The following SIPA1L3 variants were observed in gnomAD, a reference collection of about 807,000 sequenced individuals.
The protein encoded by SIPA1L3 is signal induced proliferation associated 1 like 3, also known as signal-induced proliferation-associated 1-like protein 3.
A neutral mutation model predicts 150.1 loss-of-function variants in SIPA1L3; 59 were observed. The ratio of observed to expected loss-of-function variants is 0.39; its 90% CI spans 0.32 to 0.49. The LOEUF (loss-of-function observed/expected upper bound fraction) is 0.49. Ranked by LOEUF, SIPA1L3 falls within the 20% of genes least tolerant of loss-of-function variation. The probability of loss-of-function intolerance (pLI) is 0.86; values close to 1 mark genes in which losing one functional copy is unlikely to be tolerated. For synonymous variants in SIPA1L3, 1,070 were observed against 1,077.6 expected (o/e 0.99, Z 0.14); for missense variants, 2,211 against 2,489.5 (o/e 0.89, Z 2.38).
chr19:38,093,986 A>AC (rs974789264), intron 4 of SIPA1L3, among the ~76,000 whole-genome samples: 10 of 151,430 alleles, frequency 6.6e-5, no homozygotes, highest in South Asian at 2.1e-4. Context: ...ACTGTGTGGC[A>AC]CCCCCCCACA....
At chr19:37,974,951 G>T (rs1967040281) in intron 1 of SIPA1L3, among the ~76,000 whole-genome samples, 2 of 152,198 alleles carry the variant, frequency 1.3e-5, no homozygotes, top group African/African-American at 4.8e-5. Flanking sequence ...GCTGAGGCGG[G>T]CAGATCACGA....
chr19:38,144,009 G>A (rs890474060), intron 12 of SIPA1L3, among the ~76,000 whole-genome samples: 1 of 152,174 alleles, frequency 6.6e-6, no homozygotes, highest in African/African-American at 2.4e-5. Flanking sequence ...TAGGGGGACT[G>A]TCTGTATTTC....
chr19:38,082,175 A>G lies in SIPA1L3; in HGVS notation c.610A>G (p.Ser204Gly). 6.2e-7 allele frequency: 1 copy of G among 1,604,818 alleles called. No individual in the cohort carries two copies. The highest frequency in any genetic ancestry group is 8.5e-7 in the Non-Finnish European group (1 of 1,179,730). Residue 204 changes from serine (S) to glycine (G), a missense_variant, in exon 3 of 22, where the codon AGC becomes GGC. Transcript: ENST00000222345. ...GALPLFREYGSTSSIDVQGMP... is the reference protein window; with the variant it reads ...GALPLFREYGGTSSIDVQGMP... Reference sequence around the variant, plus strand: ...GCTGCCCCTCTTCCGCGAGTACGGGAGCACCTCGTCCATCGACGTGCAGGG... The same window carrying G: ...GCTGCCCCTCTTCCGCGAGTACGGGGGCACCTCGTCCATCGACGTGCAGGG...
intron 9 of SIPA1L3, among the ~76,000 whole-genome samples, chr19:38,127,729 G>T (rs1971208558): frequency 1.3e-5 from 2 of 151,966 alleles, no homozygotes; most frequent in African/African-American, 4.8e-5. Context: ...GAACTCCTGG[G>T]CTCAAGCAGT....
intron 13 of SIPA1L3, among the ~76,000 whole-genome samples, chr19:38,155,818 C>G (rs756054530): frequency 6.6e-6 from 1 of 152,148 alleles, no homozygotes; most frequent in Non-Finnish European, 1.5e-5. Context: ...GACAGTGTCA[C>G]GCCTATAATC....
chr19:38,141,273 G>A lies in SIPA1L3; in HGVS notation c.3233G>A (p.Ser1078Asn). Reference sequence around the variant, plus strand: ...CCTGGGGGCCGGCCCCCCTACCGCAGCAATGCTCCCTGGCAGTGGAGCGGG... The same window carrying A: ...CCTGGGGGCCGGCCCCCCTACCGCAACAATGCTCCCTGGCAGTGGAGCGGG... ...ITPGGRPPYR[S>N]NAPWQWSGPA... Residue 1078 changes from serine to asparagine, a missense_variant, in exon 11 of 22, where the codon AGC becomes AAC. This residue lies in a region of SIPA1L3 where 806 missense variants were observed against 870.1 expected (regional missense o/e 0.93). Transcript: ENST00000222345. 2 of 1,613,752 alleles carry A rather than the reference G, an allele frequency of 1.2e-6. No individual in the cohort carries two copies. Among genetic ancestry groups the A allele is most frequent in the Non-Finnish European group, 1.7e-6 (2 of 1,179,892 alleles).
chr19:38,150,529 C>T (rs889476473), intron 12 of SIPA1L3, among the ~76,000 whole-genome samples: 2 of 119,834 alleles, frequency 1.7e-5, no homozygotes, highest in Non-Finnish European at 3.5e-5. Flanking sequence ...AATATCAACA[C>T]TTTTTTTTTT....
intron 3 of SIPA1L3, among the ~76,000 whole-genome samples, chr19:38,084,274 C>A (rs1005839167): frequency 1.3e-5 from 2 of 152,064 alleles, no homozygotes; most frequent in Admixed American, 6.5e-5. Context: ...TCAAGTCAAC[C>A]CCCTTATGCC....
chr19:37,911,250 C>CGTGTGTGTGT (rs34936249), intron 1 of SIPA1L3, among the ~76,000 whole-genome samples: 1 of 149,636 alleles, frequency 6.7e-6, no homozygotes, highest in Non-Finnish European at 1.5e-5. Context: ...TATGTATGTG[C>CGTGTGTGTGT]GTGTGTGTGT....
intron 1 of SIPA1L3, among the ~76,000 whole-genome samples, chr19:37,978,003 G>A (rs1381493840): frequency 1.3e-5 from 2 of 152,232 alleles, no homozygotes; most frequent in Non-Finnish European, 2.9e-5. Context: ...ATCCATGTTT[G>A]TACCTTTAGT....
At chr19:38,201,115 G>A (rs573015471) in intron 19 of SIPA1L3, among the ~76,000 whole-genome samples, 4 of 152,158 alleles carry the variant, frequency 2.6e-5, no homozygotes, top group South Asian at 2.1e-4. Context: ...CTCAACACAC[G>A]GCACACAGGG....
intron 3 of SIPA1L3, among the ~76,000 whole-genome samples, chr19:38,084,574 G>A (rs1286294177): frequency 6.1e-5 from 8 of 131,566 alleles, no homozygotes; most frequent in East Asian, 2.2e-4. Flanking sequence ...AAAAAAAGAC[G>A]AAGTACTAGC....
chr19:38,088,381 C>G (rs992972221), intron 3 of SIPA1L3, among the ~76,000 whole-genome samples: 1 of 152,278 alleles, frequency 6.6e-6, no homozygotes, highest in African/African-American at 2.4e-5. Flanking sequence ...GGGTTGATGG[C>G]ATGCCATGCA....
chr19:38,049,485 G>A (rs1180599976), intron 2 of SIPA1L3, among the ~76,000 whole-genome samples: 1 of 152,256 alleles, frequency 6.6e-6, no homozygotes, highest in African/African-American at 2.4e-5. Context: ...CACGGCTCAC[G>A]TGTCTGGTCC....
chr19:37,986,933 T>G (rs1329591011), intron 1 of SIPA1L3, among the ~76,000 whole-genome samples: 1 of 152,140 alleles, frequency 6.6e-6, no homozygotes, highest in African/African-American at 2.4e-5. Flanking sequence ...TCTTTTTTCT[T>G]TTTTTGCTTT....
intron 2 of SIPA1L3, among the ~76,000 whole-genome samples, chr19:38,063,193 T>C (rs999002642): frequency 6.6e-6 from 1 of 152,002 alleles, no homozygotes; most frequent in African/African-American, 2.4e-5. Context: ...CAGCTGGGTT[T>C]CCCCTCCACC....
intron 1 of SIPA1L3, among the ~76,000 whole-genome samples, chr19:37,914,538 T>G (rs982796228): frequency 6.6e-6 from 1 of 151,826 alleles, no homozygotes; most frequent in African/African-American, 2.4e-5. Context: ...CCTGGCTAAT[T>G]TTTTTTTGGT....
At chr19:38,194,816 C>T (rs568193158) in intron 18 of SIPA1L3, among the ~76,000 whole-genome samples, 3 of 152,240 alleles carry the variant, frequency 2.0e-5, no homozygotes, top group South Asian at 2.1e-4. Context: ...TTTGGGAGGC[C>T]GAGGCGGGTG....
intron 2 of SIPA1L3, among the ~76,000 whole-genome samples, chr19:38,041,273 A>AT (rs35807588): frequency 0.56 from 40,968 of 72,510 alleles, 11,864 homozygotes; most frequent in East Asian, 0.65. Context: ...CGCTCAGCTA[A>AT]TTTTTTTTTT....
Sources: gnomAD v4.1 joint callset for allele counts (sites outside exome capture counted in the v4.1 genomes callset) on GRCh38, gnomAD v4.1.1 for gene constraint, gnomAD v4.1.1 regional missense constraint, MANE v1.5 for transcripts, NCBI Gene and HGNC (gene_info 2026-07-23, HGNC 2026-07-21) for gene names.